PLCXD3: variants seen among roughly 807,000 people sequenced by gnomAD.
PLCXD3 encodes the protein PI-PLC X domain-containing protein 3.
PLCXD3 carries 19 observed loss-of-function variants against 25.5 expected under a neutral mutation model. The ratio of observed to expected loss-of-function variants is 0.75; its 90% CI spans 0.52 to 1.09. PLCXD3 has a LOEUF of 1.09. PLCXD3 is among the 50% of genes least tolerant of loss of function. PLCXD3 has a pLI of 0.00. For synonymous variants in PLCXD3, 174 were observed against 137.6 expected (o/e 1.26, Z -1.85); for missense variants, 411 against 388.1 (o/e 1.06, Z -0.50).
At chr5:41,503,797 G>A (rs887606589) in intron 1 of PLCXD3, among the ~76,000 whole-genome samples, 3 of 152,126 alleles carry the variant, frequency 2.0e-5, no homozygotes, top group Non-Finnish European at 2.9e-5. Context: ...ACTTCTTGAG[G>A]ACATTAATTT....
chr5:41,357,221 A>G (rs978166597), intron 2 of PLCXD3, among the ~76,000 whole-genome samples: 1 of 152,212 alleles, frequency 6.6e-6, no homozygotes, highest in Non-Finnish European at 1.5e-5. Flanking sequence ...GGCTCCCTGA[A>G]GGGTGGGTAT....
intron 1 of PLCXD3, among the ~76,000 whole-genome samples, chr5:41,429,756 T>C (rs1315630001): frequency 6.6e-6 from 1 of 152,054 alleles, no homozygotes; most frequent in East Asian, 1.9e-4. Context: ...ATGACGAAGG[T>C]AGGAATTCAG....
chr5:41,363,642 T>C (rs999645803), intron 2 of PLCXD3, among the ~76,000 whole-genome samples: 1 of 152,206 alleles, frequency 6.6e-6, no homozygotes, highest in Admixed American at 6.5e-5. Context: ...TCCATCTCAT[T>C]ATTGTTTCAC....
chr5:41,368,361 C>T (rs1217209720), intron 2 of PLCXD3, among the ~76,000 whole-genome samples: 1 of 152,096 alleles, frequency 6.6e-6, no homozygotes, highest in Non-Finnish European at 1.5e-5. Flanking sequence ...TATAGGAATG[C>T]TAGCAATTTT....
chr5:41,487,406 G>A (rs1264143397), intron 1 of PLCXD3, among the ~76,000 whole-genome samples: 1 of 152,184 alleles, frequency 6.6e-6, no homozygotes, highest in Non-Finnish European at 1.5e-5. Context: ...TGCAAGGGCA[G>A]AGTCTTTCTA....
intron 1 of PLCXD3, among the ~76,000 whole-genome samples, chr5:41,383,464 A>G (rs1488763073): frequency 1.3e-5 from 2 of 152,150 alleles, no homozygotes; most frequent in East Asian, 1.9e-4. Context: ...ACTCTTTATT[A>G]GGACCCAATA....
At chr5:41,494,268 G>A (rs990519312) in intron 1 of PLCXD3, among the ~76,000 whole-genome samples, 1 of 152,094 alleles carries the variant, frequency 6.6e-6, no homozygotes, top group East Asian at 1.9e-4. Context: ...AGCAAATTAT[G>A]TACCTAACTT....
intron 1 of PLCXD3, among the ~76,000 whole-genome samples, chr5:41,446,023 T>TA (rs1364940394): frequency 6.7e-6 from 1 of 149,288 alleles, no homozygotes; most frequent in East Asian, 2.0e-4. Flanking sequence ...CCGTGTCTAC[T>TA]AAAAATACAA....
chr5:41,495,644 G>A (rs1748820065), intron 1 of PLCXD3, among the ~76,000 whole-genome samples: 1 of 152,120 alleles, frequency 6.6e-6, no homozygotes, highest in African/African-American at 2.4e-5. Flanking sequence ...AAAAGCTCCT[G>A]AAAAAATCTA....
intron 2 of PLCXD3, among the ~76,000 whole-genome samples, chr5:41,324,885 A>C (rs1376848923): frequency 6.6e-6 from 1 of 152,218 alleles, no homozygotes; most frequent in Non-Finnish European, 1.5e-5. Context: ...TGCTGAGGCC[A>C]GTATTGATTC....
chr5:41,369,506 G>A (rs1745031321), intron 2 of PLCXD3, among the ~76,000 whole-genome samples: 1 of 151,912 alleles, frequency 6.6e-6, no homozygotes, highest in African/African-American at 2.4e-5. Context: ...TCTTAGACAG[G>A]GTCTTGCTCT....
chr5:41,324,076 TGAG>T (rs1005627584), intron 2 of PLCXD3, among the ~76,000 whole-genome samples: 5 of 152,106 alleles, frequency 3.3e-5, no homozygotes, highest in Non-Finnish European at 7.4e-5. Flanking sequence ...ACTTAGATTT[TGAG>T]GAGGAGGAAG....
intron 1 of PLCXD3, among the ~76,000 whole-genome samples, chr5:41,435,097 G>A (rs1224009714): frequency 6.6e-6 from 1 of 152,170 alleles, no homozygotes; most frequent in East Asian, 1.9e-4. Context: ...GCATACACAT[G>A]TGCATCTATG....
At chr5:41,510,364 G>A in intron 1 of PLCXD3, 60 bp downstream of exon 1, 1 of 1,416,806 alleles carries the variant, frequency 7.1e-7, no homozygotes, top group Non-Finnish European at 9.7e-7. Flanking sequence ...GGCAGATAAA[G>A]CAGGGCGGGG....
At chr5:41,338,116 A>G (rs866109096) in intron 2 of PLCXD3, among the ~76,000 whole-genome samples, 1 of 152,156 alleles carries the variant, frequency 6.6e-6, no homozygotes, top group Non-Finnish European at 1.5e-5. Flanking sequence ...GAAAAGTCTC[A>G]GAGAATATCG....
chr5:41,461,058 G>A (rs188305624), intron 1 of PLCXD3, among the ~76,000 whole-genome samples: 1 of 151,970 alleles, frequency 6.6e-6, no homozygotes, highest in East Asian at 1.9e-4. Flanking sequence ...AAGTTATCTG[G>A]ACTACATGTG....
intron 2 of PLCXD3, among the ~76,000 whole-genome samples, chr5:41,347,068 A>G (rs1018547374): frequency 6.6e-6 from 1 of 152,220 alleles, no homozygotes; most frequent in Non-Finnish European, 1.5e-5. Flanking sequence ...TTAGCTTTGT[A>G]AAAAACTGCA....
At chr5:41,468,358 G>A (rs1275194402) in intron 1 of PLCXD3, among the ~76,000 whole-genome samples, 2 of 151,890 alleles carry the variant, frequency 1.3e-5, no homozygotes. Context: ...TGGCTATATG[G>A]GTTTTTTTGT....
intron 1 of PLCXD3, among the ~76,000 whole-genome samples, chr5:41,417,682 G>A (rs372392127): frequency 1.1e-4 from 17 of 152,298 alleles, no homozygotes; most frequent in African/African-American, 4.1e-4. Flanking sequence ...CTGATGATTA[G>A]GAGAGTGCTG....
Sources: allele counts gnomAD v4.1 joint callset (sites outside exome capture counted in the v4.1 genomes callset), GRCh38; gene constraint gnomAD v4.1.1; transcripts MANE v1.5; gene names NCBI Gene and HGNC (gene_info 2026-07-23, HGNC 2026-07-21).